Variants in TNC observed in about 807,000 individuals in gnomAD.
TNC encodes the protein tenascin.
TNC carries 109 observed loss-of-function variants against 202.4 expected under a neutral mutation model. The observed-to-expected ratio is 0.54, with a 90% CI of 0.46 to 0.63. The LOEUF (loss-of-function observed/expected upper bound fraction) is 0.63, where lower values mean the gene tolerates loss of function less well. TNC is among the 30% of genes least tolerant of loss of function. TNC has a pLI of 0.00. For missense variants in TNC, 2,756 were observed against 2,833.3 expected (o/e 0.97, Z 0.62); for synonymous variants, 1,007 against 1,089.7 (o/e 0.92, Z 1.50).
intron 15 of TNC, among the ~76,000 whole-genome samples, chr9:115,050,282 C>T (rs1831546521): frequency 6.6e-6 from 1 of 152,128 alleles, no homozygotes; most frequent in Non-Finnish European, 1.5e-5. Flanking sequence ...TTTTAAAACG[C>T]AATCTTTTCA....
At chr9:115,113,283 A>C (rs1009104708) in intron 1 of TNC, among the ~76,000 whole-genome samples, 1 of 152,160 alleles carries the variant, frequency 6.6e-6, no homozygotes, top group Admixed American at 6.5e-5. Context: ...GCCTCTCAGG[A>C]CTGGGAACTG....
At chr9:115,028,490 G>C (rs1352378351) in intron 25 of TNC, among the ~76,000 whole-genome samples, 2 of 152,092 alleles carry the variant, frequency 1.3e-5, no homozygotes, top group African/African-American at 4.8e-5. Context: ...TCAGTGAGGA[G>C]GATTCTATGA....
intron 15 of TNC, among the ~76,000 whole-genome samples, chr9:115,049,541 T>C (rs1030151629): frequency 6.6e-6 from 1 of 152,160 alleles, no homozygotes; most frequent in African/African-American, 2.4e-5. Context: ...TCTATGTTCT[T>C]TCCATACCCA....
chr9:115,072,170 G>T (rs1183643122), intron 10 of TNC, among the ~76,000 whole-genome samples: 2 of 152,234 alleles, frequency 1.3e-5, no homozygotes, highest in African/African-American at 4.8e-5. Context: ...GAAGTGATTG[G>T]TGGGGTTTCC....
At chr9:115,097,261 G>A (rs62580463) in intron 1 of TNC, among the ~76,000 whole-genome samples, 1 of 152,126 alleles carries the variant, frequency 6.6e-6, no homozygotes, top group East Asian at 1.9e-4. Flanking sequence ...AGATACATAT[G>A]TCTATCTCAT....
chr9:115,046,057 G>A (rs933479338), intron 17 of TNC, among the ~76,000 whole-genome samples: 2 of 148,226 alleles, frequency 1.3e-5, no homozygotes, highest in African/African-American at 2.5e-5. Context: ...ATAGAAGGAA[G>A]AATCTTTGGA....
At chr9:115,098,259 G>A (rs978896959) in intron 1 of TNC, among the ~76,000 whole-genome samples, 1 of 152,180 alleles carries the variant, frequency 6.6e-6, no homozygotes, top group Non-Finnish European at 1.5e-5. Flanking sequence ...TTATTTACCA[G>A]GTTGGGAAAC....
In TNC at chr9:115,031,651, C is replaced by T. The variant is rs776644386; in HGVS notation, c.5822G>A (p.Ser1941Asn). The T allele has an allele frequency of 7.4e-6, 12 of 1,611,596 alleles. No individual in the cohort carries two copies. The highest frequency in any genetic ancestry group is 8.5e-7 in the Non-Finnish European group (1 of 1,178,978). Residue 1941 changes from serine (S) to asparagine (N), a missense_variant, in exon 23 of 28, where the codon AGC (serine) becomes AAC (asparagine). By Grantham distance (46) the Ser-to-Asn change is conservative. This residue lies in a region of TNC where 2,559 missense variants were observed against 2,546.0 expected (regional missense o/e 1.01). Coordinates refer to ENST00000350763, the MANE Select transcript of TNC (RefSeq NM_002160.4). ...GGTGGATGGGCTCAGGTCTGCCAGG[C>T]TGTAGGAGGTGGTATCTGGACCCAC... ...VIVGPDTTSYSLADLSPSTHY... is the reference protein window; with the variant it reads ...VIVGPDTTSYNLADLSPSTHY...
At chr9:115,025,990 T>G (rs913267558) in intron 26 of TNC, among the ~76,000 whole-genome samples, 9 of 152,132 alleles carry the variant, frequency 5.9e-5, no homozygotes, top group South Asian at 4.1e-4. Flanking sequence ...TGGAAGAGAT[T>G]CAAGCAGCTA....
At chr9:115,092,982 T>A (rs1313480802) in intron 1 of TNC, among the ~76,000 whole-genome samples, 1 of 152,212 alleles carries the variant, frequency 6.6e-6, no homozygotes, top group African/African-American at 2.4e-5. Flanking sequence ...TTTATGTCAA[T>A]TAGTGGTGGT....
chr9:115,071,027 G>A (rs1332503675), intron 10 of TNC, among the ~76,000 whole-genome samples: 3 of 152,136 alleles, frequency 2.0e-5, no homozygotes, highest in Non-Finnish European at 4.4e-5. Flanking sequence ...CTGTACCCTC[G>A]ATCGTAGTGA....
In TNC at chr9:115,063,188, C is replaced by T; in HGVS notation, c.3762G>A (p.Glu1254=). The T allele has an allele frequency of 1.2e-6, 2 of 1,613,812 alleles. No individual in the cohort carries two copies. The highest frequency in any genetic ancestry group is 1.7e-6 in the Non-Finnish European group (2 of 1,179,800). ...TTPLSVEVLT[E]EVPDMGNLTV... is the part of the protein sequence containing the mutation. ...TGAGGTTTCCCATATCTGGAACCTC[C>T]TCTGCATAAGGACACAGAGTTGCTG... The change falls in exon 13 of 28, where the codon GAG becomes GAA. Residue 1254 remains glutamate (E), a splice_region_variant and synonymous_variant. Transcript: ENST00000350763.
intron 10 of TNC, among the ~76,000 whole-genome samples, chr9:115,066,548 G>A (rs1300843693): frequency 2.6e-5 from 4 of 152,090 alleles, no homozygotes; most frequent in Admixed American, 2.6e-4. Context: ...TCTAAGTTCT[G>A]GGGAACATTC....
At chr9:115,065,901 CAAA>C (rs35177151) in intron 10 of TNC, among the ~76,000 whole-genome samples, 33 of 46,676 alleles carry the variant, frequency 7.1e-4, no homozygotes, top group African/African-American at 2.7e-3. Context: ...GACTCCATCT[CAAA>C]AAAAAAAAAA....
chr9:115,115,440 A>G (rs941882132), intron 1 of TNC, among the ~76,000 whole-genome samples: 2 of 152,158 alleles, frequency 1.3e-5, no homozygotes, highest in African/African-American at 2.4e-5. Flanking sequence ...ACCTTGGTAA[A>G]GTTATTCAGT....
chr9:115,035,423 T>G, intron 21 of TNC, 89 bp from the exon 22 acceptor site: 1 of 1,400,500 alleles, frequency 7.1e-7, no homozygotes, highest in Non-Finnish European at 9.7e-7. Context: ...TGGGTTCAAG[T>G]CCTTTCCCTA....
chr9:115,076,436 A>G lies in TNC; in HGVS notation c.2814T>C (p.Val938=), dbSNP rs1310257981. The G allele has an allele frequency of 1.2e-6, 2 of 1,614,018 alleles. No individual in the cohort carries two copies. Among genetic ancestry groups the G allele is most frequent in the East Asian group, 2.2e-5 (1 of 44,896 alleles). ...TGGCTTGTTGGCTCTTTGGAACATCAACCTCAGCGTGGTCCCCTCCAGAGA... is the reference window on the plus strand; with the variant it reads ...TGGCTTGTTGGCTCTTTGGAACATCGACCTCAGCGTGGTCCCCTCCAGAGA... ...APISGGDHAE[V]DVPKSQQATT... is the part of the protein sequence containing the mutation. Residue 938 remains valine, a synonymous_variant, in exon 8 of 28, where the codon GTT becomes GTC. Coordinates refer to ENST00000350763, the MANE Select transcript of TNC (RefSeq NM_002160.4).
chr9:115,095,849 T>C (rs554410698), intron 1 of TNC, among the ~76,000 whole-genome samples: 12 of 151,306 alleles, frequency 7.9e-5, no homozygotes, highest in Middle Eastern at 3.4e-3. Context: ...TATGTAAGTG[T>C]GTGTATATCT....
In TNC at chr9:115,107,077, A is replaced by AT. The variant is rs149072735; in HGVS notation, c.-137+10904dup. Among the ~76,000 whole-genome samples, 780 of 150,802 alleles carry AT rather than the reference A, an allele frequency of 5.2e-3. 7 individuals carry two copies. The highest frequency in any genetic ancestry group is 0.018 in the African/African-American group (742 of 41,120). On this transcript the variant is annotated intron_variant, in intron 1 of 27. Coordinates refer to ENST00000350763, the MANE Select transcript of TNC (RefSeq NM_002160.4). ...TTTTTGGAGGGGAACTTACTAGATG[A>AT]TTTTTTTTTTCTGCTTCAATCTCTA... is the stretch of plus-strand genomic sequence containing the variant.
Sources: gnomAD v4.1 joint callset for allele counts (sites outside exome capture counted in the v4.1 genomes callset) on GRCh38, gnomAD v4.1.1 for gene constraint, gnomAD v4.1.1 regional missense constraint, MANE v1.5 for transcripts, NCBI Gene and HGNC (gene_info 2026-07-23, HGNC 2026-07-21) for gene names.